GRID2: variants seen among roughly 807,000 people sequenced by gnomAD.
GRID2 encodes glutamate receptor ionotropic, delta-2.
In GRID2, 33 loss-of-function variants were observed where a neutral mutation model predicts 114.8. That is an observed-to-expected ratio of 0.29 (90% confidence interval 0.22 to 0.38). The LOEUF (loss-of-function observed/expected upper bound fraction) is 0.38. Ranked by LOEUF, GRID2 falls within the 10% of genes least tolerant of loss-of-function variation. GRID2 has a pLI of 1.00. For missense variants in GRID2, 1,184 were observed against 1,257.7 expected, an observed-to-expected ratio of 0.94 and a Z score of 0.89; for synonymous variants, 505 against 449.9, an observed-to-expected ratio of 1.12 and a Z score of -1.55.
chr4:93,166,445 TA>T (rs1560945021), intron 4 of GRID2, among the ~76,000 whole-genome samples: 1 of 152,136 alleles, frequency 6.6e-6, no homozygotes, highest in Non-Finnish European at 1.5e-5. Context: ...GAAAATGGAC[TA>T]AAAATATTTG....
chr4:92,449,145 T>A (rs1720754913), intron 1 of GRID2, among the ~76,000 whole-genome samples: 1 of 152,166 alleles, frequency 6.6e-6, no homozygotes, highest in Non-Finnish European at 1.5e-5. Flanking sequence ...CTCCTACATA[T>A]AGGACTGCTT....
intron 2 of GRID2, among the ~76,000 whole-genome samples, chr4:92,786,426 A>T (rs1739323282): frequency 1.3e-5 from 2 of 151,862 alleles, no homozygotes; most frequent in African/African-American, 4.8e-5. Flanking sequence ...TCACTATCTT[A>T]AGGCTTTTTT....
intron 11 of GRID2, among the ~76,000 whole-genome samples, chr4:93,473,059 A>G (rs1724995290): frequency 6.6e-6 from 1 of 152,202 alleles, no homozygotes; most frequent in Non-Finnish European, 1.5e-5. Flanking sequence ...ATTAAAATTA[A>G]ATTACTAGTA....
intron 12 of GRID2, among the ~76,000 whole-genome samples, chr4:93,509,269 A>G (rs1052943522): frequency 1.3e-5 from 2 of 152,174 alleles, no homozygotes; most frequent in Admixed American, 1.3e-4. Context: ...AAAGGCAAAG[A>G]TGGTGACAGA....
chr4:92,763,509 A>G (rs1287783542), intron 2 of GRID2, among the ~76,000 whole-genome samples: 3 of 152,218 alleles, frequency 2.0e-5, no homozygotes, highest in African/African-American at 4.8e-5. Flanking sequence ...TTTGGCAACT[A>G]TTACACAACA....
chr4:93,796,076 T>G (rs1030941751), intron 1 of GRID2, among the ~76,000 whole-genome samples: 3 of 152,124 alleles, frequency 2.0e-5, no homozygotes, highest in African/African-American at 7.2e-5. Flanking sequence ...TGAGGCCCAC[T>G]CAGCTCTTAA....
intron 10 of GRID2, among the ~76,000 whole-genome samples, chr4:93,437,468 GT>G (rs963301800): frequency 2.6e-5 from 4 of 151,220 alleles, no homozygotes; most frequent in Admixed American, 2.0e-4. Flanking sequence ...GTTCAGAGCT[GT>G]TTTTTTTTAA....
intron 1 of GRID2, among the ~76,000 whole-genome samples, chr4:92,498,658 G>A (rs899596691): frequency 1.6e-4 from 24 of 151,826 alleles, no homozygotes; most frequent in South Asian, 1.2e-3. Context: ...AAAATTAAAA[G>A]CTGCTTGAAT....
chr4:92,306,667 A>G (rs1367585777), intron 1 of GRID2, among the ~76,000 whole-genome samples: 1 of 152,206 alleles, frequency 6.6e-6, no homozygotes, highest in East Asian at 1.9e-4. Flanking sequence ...AGCTTTTGCT[A>G]TCCCTTACTA....
intron 2 of GRID2, among the ~76,000 whole-genome samples, chr4:92,939,038 T>A (rs1356868828): frequency 1.4e-5 from 2 of 147,232 alleles, no homozygotes; most frequent in Non-Finnish European, 3.0e-5. Flanking sequence ...TGTGTGGGTG[T>A]CTTTATAGCA....
At chr4:92,883,140 A>C (rs751104989) in intron 2 of GRID2, among the ~76,000 whole-genome samples, 2 of 152,222 alleles carry the variant, frequency 1.3e-5, no homozygotes, top group Non-Finnish European at 2.9e-5. Flanking sequence ...CAATTTATGT[A>C]ATATTTGAAA....
At chr4:93,573,346 T>G (rs1736110073) in intron 13 of GRID2, among the ~76,000 whole-genome samples, 1 of 152,182 alleles carries the variant, frequency 6.6e-6, no homozygotes, top group African/African-American at 2.4e-5. Context: ...TAATGGAGTG[T>G]CCATCATGTG....
chr4:92,443,593 C>T (rs1327690408), intron 1 of GRID2, among the ~76,000 whole-genome samples: 4 of 152,084 alleles, frequency 2.6e-5, no homozygotes, highest in African/African-American at 2.4e-5. Flanking sequence ...CACAGAGATA[C>T]GAGGTTGGGG....
At chr4:93,705,092 C>T (rs936017274) in intron 14 of GRID2, among the ~76,000 whole-genome samples, 4 of 152,184 alleles carry the variant, frequency 2.6e-5, no homozygotes, top group African/African-American at 9.7e-5. Context: ...ATTCCTTTTG[C>T]TCCACATCCT....
intron 1 of GRID2, among the ~76,000 whole-genome samples, chr4:92,373,447 A>G (rs547285782): frequency 1.3e-5 from 2 of 152,270 alleles, no homozygotes; most frequent in African/African-American, 4.8e-5. Context: ...ACTTCTAACA[A>G]TGTTGTAGCC....
At chr4:92,534,887 C>T (rs1293089853) in intron 1 of GRID2, among the ~76,000 whole-genome samples, 1 of 152,030 alleles carries the variant, frequency 6.6e-6, no homozygotes, top group Non-Finnish European at 1.5e-5. Flanking sequence ...AACTAATTAA[C>T]AGGAAAGTAA....
intron 2 of GRID2, among the ~76,000 whole-genome samples, chr4:93,036,014 T>C (rs1197271662): frequency 6.6e-6 from 1 of 152,182 alleles, no homozygotes; most frequent in Non-Finnish European, 1.5e-5. Flanking sequence ...CTTTTAAAAG[T>C]TGATTCTTTG....
chr4:93,471,647 CAT>C (rs1049222950), intron 11 of GRID2, among the ~76,000 whole-genome samples: 3 of 147,322 alleles, frequency 2.0e-5, no homozygotes, highest in African/African-American at 7.6e-5. Context: ...AAGTTTAAGA[CAT>C]ATTCCTTATT....
At chr4:93,527,698 A>G (rs1282177460) in intron 13 of GRID2, among the ~76,000 whole-genome samples, 1 of 152,078 alleles carries the variant, frequency 6.6e-6, no homozygotes, top group Non-Finnish European at 1.5e-5. Flanking sequence ...TTTATTTTTT[A>G]AAATTATAAA....
Sources: allele counts gnomAD v4.1 joint callset (sites outside exome capture counted in the v4.1 genomes callset), GRCh38; gene constraint gnomAD v4.1.1; transcripts MANE v1.5; gene names NCBI Gene and HGNC (gene_info 2026-07-23, HGNC 2026-07-21).